Variants in RASSF6 observed in about 807,000 individuals in gnomAD.
RASSF6 encodes ras association domain-containing protein 6.
RASSF6 carries 52 observed loss-of-function variants against 44.0 expected under a neutral mutation model. That is an observed-to-expected ratio of 1.18 (90% CI 0.95 to 1.49). The LOEUF is 1.49. RASSF6 is among the 40% of genes most tolerant of loss of function. The pLI, the probability that RASSF6 is intolerant of heterozygous loss-of-function variation, is 0.00. For missense variants in RASSF6, 464 were observed against 393.3 expected (o/e 1.18, Z -1.52); for synonymous variants, 162 against 124.6 (o/e 1.30, Z -2.00).
intron 2 of RASSF6, among the ~76,000 whole-genome samples, chr4:73,611,099 T>A (rs1457925091): frequency 6.6e-6 from 1 of 152,214 alleles, no homozygotes; most frequent in Non-Finnish European, 1.5e-5. Flanking sequence ...TTTTCCTTTT[T>A]CCACCCCCCA....
Position 73,576,033 on chromosome 4 carries a change from T to G in RASSF6, c.*202A>C. 1 of 439,304 alleles carries G rather than the reference T, an allele frequency of 2.3e-6. No individual in the cohort carries two copies. The highest frequency in any genetic ancestry group is 4.0e-6 in the Non-Finnish European group (1 of 247,940). The allele number at this position is 439,304 out of a possible 1,614,324, so 27.2% of individuals were successfully genotyped here. A position where few individuals can be genotyped will look rare whatever the true frequency, so the allele number is the denominator to read the frequency against. Reference sequence around the variant, plus strand: ...TCAAGCTTATTTCAGTTACTGAAACTAAACTCAAACTCATTTTGTCCAACT... The same window carrying G: ...TCAAGCTTATTTCAGTTACTGAAACGAAACTCAAACTCATTTTGTCCAACT... On this transcript the variant is annotated 3_prime_UTR_variant, in exon 11 of 11. Coordinates refer to ENST00000307439, the MANE Select transcript of RASSF6 (RefSeq NM_177532.5).
chr4:73,579,550 A>G (rs1013081647), intron 8 of RASSF6, among the ~76,000 whole-genome samples: 9 of 152,086 alleles, frequency 5.9e-5, no homozygotes, highest in Admixed American at 3.9e-4. Flanking sequence ...TGAATTTAAG[A>G]CTTTTCTAAA....
chr4:73,598,598 G>T, intron 3 of RASSF6, 42 bp downstream of exon 3: 1 of 939,452 alleles, frequency 1.1e-6, no homozygotes, highest in East Asian at 2.5e-5. Flanking sequence ...ACGCATGTGT[G>T]TGTGTGAATA....
chr4:73,576,410 T>G lies in RASSF6; in HGVS notation c.938A>C (p.Lys313Thr). 6.5e-7 allele frequency: 1 copy of G among 1,549,848 alleles called. No homozygotes were observed. The highest frequency in any genetic ancestry group is 8.8e-7 in the Non-Finnish European group (1 of 1,133,670). The change falls in exon 10 of 11, where the codon AAA becomes ACA. Residue 313 changes from lysine to threonine, a missense_variant and splice_region_variant. Physicochemically the swap from Lys to Thr is moderately conservative, Grantham distance 78. Transcript: ENST00000307439. ...TCCAATGTGCATGCTCTTGACTTAC[T>G]TTGTTACTATTCTTTGAATCTCTCT... ...EKREIQRIVT[K>T]FNKEKAIILK...
In RASSF6 at chr4:73,593,554, T is replaced by C. The variant is rs147956059; in HGVS notation, c.184A>G (p.Ile62Val). The C allele has an allele frequency of 1.0e-4, 161 of 1,613,434 alleles. No individual in the cohort carries two copies. The highest frequency in any genetic ancestry group is 1.3e-4 in the Non-Finnish European group (153 of 1,179,796). Residue 62 changes from isoleucine (I) to valine (V), a missense_variant, in exon 4 of 11, where the codon ATT becomes GTT. Coordinates refer to ENST00000307439, the MANE Select transcript of RASSF6 (RefSeq NM_177532.5). ...ATAGGTCGTTTTACTCCCCAGAAAA[T>C]GTCCAGCATTCCTTCAACAATTAGT... is the stretch of plus-strand genomic sequence containing the variant. ...GKLIVEGMLD[I>V]FWGVKRPIQL...
At chr4:73,581,931 A>G (rs1210321840) in intron 7 of RASSF6, 63 bp from the exon 8 acceptor site, 7 of 1,242,760 alleles carry the variant, frequency 5.6e-6, no homozygotes, top group South Asian at 4.0e-5. Flanking sequence ...TTCTAACCTG[A>G]CCAGACCCAA....
At chr4:73,611,876 A>G (rs371753564) in intron 1 of RASSF6, 47 bp from the exon 2 acceptor site, 21 of 1,283,354 alleles carry the variant, frequency 1.6e-5, no homozygotes, top group Non-Finnish European at 3.4e-6. Flanking sequence ...AATGCATTAA[A>G]AAATTAGTTT....
chr4:73,593,679 CG>C, intron 3 of RASSF6, 86 bp from the exon 4 acceptor site: 1 of 1,289,964 alleles, frequency 7.8e-7, no homozygotes, highest in South Asian at 1.3e-5. Context: ...AAATTAAGTG[CG>C]TAAGAAACCT....
At chr4:73,591,138 A>G (rs1287069468) in intron 4 of RASSF6, among the ~76,000 whole-genome samples, 4 of 152,212 alleles carry the variant, frequency 2.6e-5, no homozygotes, top group Admixed American at 6.5e-5. Flanking sequence ...AATTTTTTAT[A>G]TTCTCTATTC....
intron 3 of RASSF6, among the ~76,000 whole-genome samples, chr4:73,596,791 C>A (rs1415619849): frequency 6.6e-6 from 1 of 152,064 alleles, no homozygotes; most frequent in Non-Finnish European, 1.5e-5. Context: ...ACTGATGGAA[C>A]AGAGTAGAGA....
chr4:73,591,528 C>T (rs567145504), intron 4 of RASSF6, among the ~76,000 whole-genome samples: 2 of 152,276 alleles, frequency 1.3e-5, no homozygotes, highest in South Asian at 2.1e-4. Context: ...GTACAGTTTT[C>T]GGAAAGCAGA....
Position 73,574,385 on chromosome 4 carries a change from G to C in RASSF6, c.*1850C>G, listed in dbSNP as rs1332441699. The C allele has an allele frequency of 6.6e-6, 1 of 152,504 alleles. No homozygotes were observed. The highest frequency in any genetic ancestry group is 1.5e-5 in the Non-Finnish European group (1 of 68,310). The allele number at this position is 152,504 out of a possible 1,614,324, so 9.4% of individuals were successfully genotyped here. On this transcript the variant is annotated 3_prime_UTR_variant, in exon 11 of 11. Coordinates refer to ENST00000307439, the MANE Select transcript of RASSF6 (RefSeq NM_177532.5). ...TCTGCATATCTGCCCACCTGCCTCA[G>C]CTGGTCCACACCTAGGGGGTTGGCT...
Position 73,594,284 on chromosome 4 carries a change from G to A in RASSF6, c.145-691C>T, listed in dbSNP as rs151075259. ...TAATGTTTTCTGTTATAGAAACTTT[G>A]GAAAATGTAGAAACTAACAAAAGTC... On this transcript the variant is annotated intron_variant, in intron 3 of 10. Coordinates refer to ENST00000307439, the MANE Select transcript of RASSF6 (RefSeq NM_177532.5). Among the ~76,000 whole-genome samples the A allele has an allele frequency of 2.9e-3, 434 of 152,246 alleles. 1 individual carries two copies. Among genetic ancestry groups the A allele is most frequent in the African/African-American group, 9.5e-3 (393 of 41,528 alleles).
chr4:73,617,022 C>T (rs1448712235), intron 1 of RASSF6, among the ~76,000 whole-genome samples: 4 of 152,156 alleles, frequency 2.6e-5, no homozygotes, highest in South Asian at 4.1e-4. Context: ...AAACATTTGG[C>T]TCCATACTTT....
intron 6 of RASSF6, among the ~76,000 whole-genome samples, chr4:73,583,676 T>A (rs1436427351): frequency 6.6e-6 from 1 of 152,178 alleles, no homozygotes; most frequent in Non-Finnish European, 1.5e-5. Context: ...TAAATTGCAG[T>A]GAATGACATT....
intron 4 of RASSF6, 115 bp downstream of exon 4, chr4:73,593,336 G>T (rs778496611): frequency 1.9e-4 from 203 of 1,050,684 alleles, no homozygotes; most frequent in Non-Finnish European, 2.5e-4. Context: ...AATTAAATGA[G>T]ATTGTGTGTA....
chr4:73,582,836 T>C (rs1723777299), intron 6 of RASSF6, among the ~76,000 whole-genome samples: 1 of 138,986 alleles, frequency 7.2e-6, no homozygotes, highest in Admixed American at 8.0e-5. Context: ...CACCCACACA[T>C]GTAACACGCA....
intron 2 of RASSF6, 138 bp from the exon 3 acceptor site, chr4:73,598,856 A>T: frequency 4.2e-6 from 2 of 476,726 alleles, no homozygotes; most frequent in South Asian, 6.5e-5. Flanking sequence ...TTAACTTAAC[A>T]TAAGTCATTG....
At chr4:73,579,765 A>G (rs939994865) in intron 8 of RASSF6, among the ~76,000 whole-genome samples, 1 of 152,028 alleles carries the variant, frequency 6.6e-6, no homozygotes. Context: ...TATTGCTACC[A>G]TTTATTTTAT....
Sources: gnomAD v4.1 joint callset for allele counts (sites outside exome capture counted in the v4.1 genomes callset) on GRCh38, gnomAD v4.1.1 for gene constraint, MANE v1.5 for transcripts, NCBI Gene and HGNC (gene_info 2026-07-23, HGNC 2026-07-21) for gene names.